Variants in ANXA5 observed in about 807,000 individuals in gnomAD.
The protein encoded by ANXA5 is CBP-I.
A neutral mutation model predicts 48.1 loss-of-function variants in ANXA5; 40 were observed. That is an observed-to-expected ratio of 0.83 (90% confidence interval 0.65 to 1.08). The LOEUF (loss-of-function observed/expected upper bound fraction) is 1.08. ANXA5 is among the 50% of genes least tolerant of loss of function. ANXA5 has a pLI of 0.00. For synonymous variants in ANXA5, 113 were observed against 129.1 expected (o/e 0.88, Z 0.85); for missense variants, 357 against 376.8 (o/e 0.95, Z 0.44).
Position 121,668,294 on chromosome 4 carries a change from A to G in ANXA5, c.*174T>C. ...CAGCAGTCAAAGAGATCTCCACTAG[A>G]GATCAGAAAGAAGCACCACTATTTT... On this transcript the variant is annotated 3_prime_UTR_variant, in exon 13 of 13. Coordinates refer to ENST00000296511, the MANE Select transcript of ANXA5 (RefSeq NM_001154.4). The G allele has an allele frequency of 1.7e-6, 1 of 595,970 alleles. No homozygotes were observed. The allele number at this position is 595,970 out of a possible 1,614,324, so 36.9% of individuals were successfully genotyped here.
chr4:121,669,544 T>C (rs1242890930), intron 12 of ANXA5, 58 bp downstream of exon 12: 26 of 1,596,376 alleles, frequency 1.6e-5, no homozygotes, highest in Non-Finnish European at 2.1e-5. Context: ...TTGTCTTTCA[T>C]GCAACATACC....
chr4:121,694,799 A>G (rs1317057300), intron 2 of ANXA5, among the ~76,000 whole-genome samples: 1 of 152,228 alleles, frequency 6.6e-6, no homozygotes, highest in Non-Finnish European at 1.5e-5. Flanking sequence ...AACTTTTATG[A>G]TTAGTAAAAA....
intron 6 of ANXA5, among the ~76,000 whole-genome samples, chr4:121,681,012 C>T (rs1724784311): frequency 6.6e-6 from 1 of 152,116 alleles, no homozygotes; most frequent in South Asian, 2.1e-4. Context: ...GATAGTCTGA[C>T]CCTCCTCAGT....
intron 3 of ANXA5, among the ~76,000 whole-genome samples, chr4:121,685,723 G>A (rs1017606655): frequency 4.6e-5 from 7 of 152,176 alleles, no homozygotes; most frequent in African/African-American, 1.7e-4. Flanking sequence ...AAGAGGCTGG[G>A]GAAAGAGAAG....
At chr4:121,692,203 T>C (rs1375135344) in intron 2 of ANXA5, among the ~76,000 whole-genome samples, 1 of 152,206 alleles carries the variant, frequency 6.6e-6, no homozygotes, top group African/African-American at 2.4e-5. Context: ...AAAAAAAACA[T>C]CACTGGAGAA....
Position 121,683,386 on chromosome 4 carries a change from T to A in ANXA5, c.281A>T (p.Tyr94Phe), listed in dbSNP as rs1278197536. ...TACCTTCAAGGCATGTTTCAGTTCA[T>A]AAGCATCATAAAGCCGAGAGGGTTT... The part of the protein sequence containing the change: ...LMKPSRLYDA[Y>F]ELKHALKGAG... Residue 94 changes from tyrosine (Y) to phenylalanine (F), a missense_variant, in exon 5 of 13, where the codon TAT becomes TTT. Transcript: ENST00000296511. The A allele has an allele frequency of 6.2e-7, 1 of 1,605,316 alleles. No homozygotes were observed. The highest frequency in any genetic ancestry group is 1.3e-5 in the African/African-American group (1 of 74,710).
intron 2 of ANXA5, among the ~76,000 whole-genome samples, chr4:121,694,911 T>C (rs28493177): frequency 6.6e-6 from 1 of 152,204 alleles, no homozygotes; most frequent in Non-Finnish European, 1.5e-5. Context: ...TCTATACACA[T>C]GGCCTTTATG....
intron 2 of ANXA5, 23 bp downstream of exon 2, chr4:121,696,558 C>A: frequency 7.2e-7 from 1 of 1,391,906 alleles, no homozygotes; most frequent in Non-Finnish European, 9.4e-7. Context: ...AAATCCAGCG[C>A]AGTGGGGGGC....
At chr4:121,671,689 T>C (rs772855301) in intron 9 of ANXA5, 47 bp from the exon 10 acceptor site, 1 of 1,288,142 alleles carries the variant, frequency 7.8e-7, no homozygotes, top group Non-Finnish European at 1.1e-6. Flanking sequence ...GATCACTCTT[T>C]CCAGAAAGAT....
intron 2 of ANXA5, among the ~76,000 whole-genome samples, chr4:121,695,912 G>GAA (rs60664697): frequency 2.9e-5 from 4 of 137,096 alleles, no homozygotes; most frequent in African/African-American, 1.1e-4. Context: ...AAAAAAAAAG[G>GAA]AAAAAAAAAA....
chr4:121,689,188 G>A (rs1167156921), intron 2 of ANXA5, among the ~76,000 whole-genome samples: 1 of 152,176 alleles, frequency 6.6e-6, no homozygotes, highest in African/African-American at 2.4e-5. Context: ...TCAAGTTACA[G>A]CTTCTCTTTA....
chr4:121,677,511 C>G (rs1724718316), intron 8 of ANXA5, among the ~76,000 whole-genome samples: 1 of 152,062 alleles, frequency 6.6e-6, no homozygotes, highest in African/African-American at 2.4e-5. Flanking sequence ...AATTAAACAC[C>G]ACTTACTGTT....
intron 6 of ANXA5, among the ~76,000 whole-genome samples, chr4:121,679,601 C>T (rs1247790278): frequency 6.6e-6 from 1 of 152,150 alleles, no homozygotes; most frequent in Non-Finnish European, 1.5e-5. Context: ...ATGCACACAT[C>T]CTCCACAGCA....
rs570393157 is a variant in ANXA5, at chr4:121,685,030, AT to A, written c.95-260del. On this transcript the variant is annotated intron_variant, in intron 3 of 12. Coordinates refer to ENST00000296511, the MANE Select transcript of ANXA5 (RefSeq NM_001154.4). The stretch of plus-strand genomic sequence containing the variant: ...CCCCCATCTCTTAGAAAAAAAAAAA[AT>A]ATGTATATATATATATATATACACA... 7.3e-3 allele frequency among the ~76,000 whole-genome samples: 929 copies of A among 126,690 alleles called. 3 individuals carry two copies. Among genetic ancestry groups the A allele is most frequent in the Non-Finnish European group, 0.013 (779 of 60,150 alleles). The allele number at this position is 126,690 out of a possible 152,430, so 83.1% of individuals were successfully genotyped here.
chr4:121,687,376 A>G (rs1245399118), intron 2 of ANXA5, among the ~76,000 whole-genome samples: 2 of 152,062 alleles, frequency 1.3e-5, no homozygotes, highest in Non-Finnish European at 2.9e-5. Context: ...CTGAGCCATA[A>G]ATGTTTATCT....
chr4:121,668,071 G>C lies in ANXA5; in HGVS notation c.*397C>G, dbSNP rs1724549653. 6.3e-6 allele frequency: 1 copy of C among 158,494 alleles called. No homozygotes were observed. Among genetic ancestry groups the C allele is most frequent in the African/African-American group, 2.4e-5 (1 of 41,618 alleles). 9.8% of individuals were successfully genotyped at this position (158,494 alleles called of 1,614,324 possible). ...ATCATAATTTTACAGGTTTAGTTTA[G>C]TTGCGAACTTCACTAATAACATTTC... On this transcript the variant is annotated 3_prime_UTR_variant, in exon 13 of 13. Transcript: ENST00000296511.
chr4:121,681,311 A>G (rs1423804017), intron 6 of ANXA5: 2 of 160,412 alleles, frequency 1.2e-5, no homozygotes, highest in Non-Finnish European at 2.7e-5. Flanking sequence ...CTTTTTATAT[A>G]ACTCCTAAAT....
At chr4:121,686,172 T>C in intron 3 of ANXA5, 116 bp downstream of exon 3, 12 of 778,442 alleles carry the variant, frequency 1.5e-5, no homozygotes, top group Non-Finnish European at 2.1e-5. Context: ...TCTTAACATA[T>C]CTCTTCTCCT....
chr4:121,689,298 A>C (rs1309723604), intron 2 of ANXA5, among the ~76,000 whole-genome samples: 1 of 152,194 alleles, frequency 6.6e-6, no homozygotes, highest in Non-Finnish European at 1.5e-5. Context: ...CTTGCAGTCC[A>C]TCTGTCTTTT....
Sources: allele counts gnomAD v4.1 joint callset (sites outside exome capture counted in the v4.1 genomes callset), GRCh38; gene constraint gnomAD v4.1.1; transcripts MANE v1.5; gene names NCBI Gene and HGNC (gene_info 2026-07-23, HGNC 2026-07-21).